NEBL: variants seen among roughly 807,000 people sequenced by gnomAD.
NEBL encodes nebulette.
NEBL carries 122 observed loss-of-function variants against 140.2 expected under a neutral mutation model. The ratio of observed to expected loss-of-function variants is 0.87; its 90% CI spans 0.75 to 1.01. NEBL has a LOEUF of 1.01. Among genes scored for constraint, NEBL ranks in the 50% least tolerant of loss-of-function variants. NEBL has a pLI of 0.00. For synonymous variants in NEBL, 436 were observed against 398.9 expected (o/e 1.09, Z -1.11); for missense variants, 1,365 against 1,231.3 (o/e 1.11, Z -1.62).
At chr10:21,145,408 G>A (rs1462629367) in intron 2 of NEBL, among the ~76,000 whole-genome samples, 1 of 152,126 alleles carries the variant, frequency 6.6e-6, no homozygotes, top group Non-Finnish European at 1.5e-5. Flanking sequence ...CTATTTTATA[G>A]GATATCAAAA....
intron 3 of NEBL, among the ~76,000 whole-genome samples, chr10:21,205,662 A>G (rs1841814074): frequency 6.6e-6 from 1 of 152,160 alleles, no homozygotes; most frequent in East Asian, 1.9e-4. Context: ...TTTGGCACCA[A>G]CCTATTAATC....
Position 20,815,692 on chromosome 10 carries a change from C to G in NEBL, c.2174G>C (p.Arg725Thr), listed in dbSNP as rs772956028. The G allele has an allele frequency of 6.8e-6, 11 of 1,610,712 alleles. No individual in the cohort carries two copies. Among genetic ancestry groups the G allele is most frequent in the Non-Finnish European group, 8.5e-6 (10 of 1,177,192 alleles). ...AGGAGTTACACTTAAAGTGGTAGCT[C>G]TTCCCAGCTGACCTCTGTAATAAAC... ...SNVYYRGQLG[R>T]ATTLSVTPEM... is the part of the protein sequence containing the mutation. Residue 725 changes from arginine to threonine, a missense_variant, in exon 22 of 28, where the codon AGA (arginine) becomes ACA (threonine). This residue lies in a region of NEBL where 1,323 missense variants were observed against 1,154.8 expected (regional missense o/e 1.15). Transcript: ENST00000377122.
intron 3 of NEBL, among the ~76,000 whole-genome samples, chr10:21,012,416 G>A (rs374092177): frequency 2.5e-4 from 38 of 152,290 alleles, no homozygotes; most frequent in African/African-American, 7.9e-4. Context: ...CTGGAGTGCA[G>A]TGGCATGATC....
chr10:21,127,223 A>G (rs1206813498), intron 2 of NEBL, among the ~76,000 whole-genome samples: 1 of 152,106 alleles, frequency 6.6e-6, no homozygotes, highest in African/African-American at 2.4e-5. Flanking sequence ...GAAAATAATG[A>G]CAAATGGATC....
Position 20,825,414 on chromosome 10 carries a change from T to C in NEBL, c.1869+1033A>G, listed in dbSNP as rs1464026888. On this transcript the variant is annotated intron_variant, in intron 18 of 27. Coordinates refer to ENST00000377122, the MANE Select transcript of NEBL (RefSeq NM_006393.3). Reference sequence around the variant, plus strand: ...GCTTATGCCTGTAATCCCAGCACTTTGGGAGGCTGAAGCGGGAGGATCACT... The same window carrying C: ...GCTTATGCCTGTAATCCCAGCACTTCGGGAGGCTGAAGCGGGAGGATCACT... Among the ~76,000 whole-genome samples, 4 of 152,074 alleles carry C rather than the reference T, an allele frequency of 2.6e-5. No individual in the cohort carries two copies. In the South Asian group the frequency reaches 8.3e-4, roughly 32 times the overall value.
intron 3 of NEBL, among the ~76,000 whole-genome samples, chr10:20,979,685 AAC>A (rs886561119): frequency 4.4e-4 from 67 of 152,154 alleles, no homozygotes; most frequent in Non-Finnish European, 4.3e-4. Flanking sequence ...AACATAATAT[AAC>A]ACAGTTTTTT....
In NEBL at chr10:21,130,951, C is replaced by A. The variant is rs144206569; in HGVS notation, c.164+41432G>T. Among the ~76,000 whole-genome samples, 258 of 151,572 alleles carry A rather than the reference C, an allele frequency of 1.7e-3. 1 individual carries two copies. The highest frequency in any genetic ancestry group is 5.9e-3 in the African/African-American group (246 of 41,386). On this transcript the variant is annotated intron_variant, in intron 2 of 6. Transcript: ENST00000417816. ...ATACAGAAAAAAATGTCAATGAAAC[C>A]AAAAACTGGTCCTTTGAAAAGATAA...
intron 2 of NEBL, among the ~76,000 whole-genome samples, chr10:21,045,776 G>C (rs1204846697): frequency 6.6e-6 from 1 of 152,182 alleles, no homozygotes; most frequent in Non-Finnish European, 1.5e-5. Flanking sequence ...ATGTAAATTA[G>C]TATAGCCATT....
At chr10:21,020,779 G>T (rs141982885) in intron 2 of NEBL, among the ~76,000 whole-genome samples, 1 of 152,026 alleles carries the variant, frequency 6.6e-6, no homozygotes, top group African/African-American at 2.4e-5. Flanking sequence ...TCCCTCTAGT[G>T]GTTCCTTCCC....
At position 21,148,237 on chromosome 10, in the gene NEBL, C is replaced by A. The variant is rs567375067; in HGVS notation, c.164+24146G>T. On this transcript the variant is annotated intron_variant, in intron 2 of 6. Coordinates refer to the NEBL transcript ENST00000417816. Reference sequence around the variant, plus strand: ...CTTCTCAAATGATTTATCCAGTATACTCCTGTGATATTATGAAACATGTAC... The same window carrying A: ...CTTCTCAAATGATTTATCCAGTATAATCCTGTGATATTATGAAACATGTAC... Among the ~76,000 whole-genome samples, 3 of 152,340 alleles carry A rather than the reference C, an allele frequency of 2.0e-5. No individual in the cohort carries two copies. The South Asian group carries it at 6.2e-4, about 32-fold the overall frequency.
chr10:21,224,123 C>T (rs1264341469), intron 3 of NEBL, among the ~76,000 whole-genome samples: 5 of 152,098 alleles, frequency 3.3e-5, no homozygotes, highest in Non-Finnish European at 7.4e-5. Flanking sequence ...CCAATGTTTT[C>T]GTTTAGTAGT....
intron 18 of NEBL, among the ~76,000 whole-genome samples, chr10:20,824,633 T>A (rs1839661794): frequency 6.6e-6 from 1 of 152,050 alleles, no homozygotes. Flanking sequence ...TAAGCAGGAG[T>A]TTATGGCCCA....
At chr10:20,997,075 A>G (rs747041348) in intron 3 of NEBL, among the ~76,000 whole-genome samples, 6 of 152,234 alleles carry the variant, frequency 3.9e-5, no homozygotes, top group African/African-American at 9.6e-5. Context: ...TAATTTTAGA[A>G]AGCTTTGGTC....
At chr10:21,204,497 G>A (rs1841795388) in intron 3 of NEBL, among the ~76,000 whole-genome samples, 1 of 151,932 alleles carries the variant, frequency 6.6e-6, no homozygotes. Context: ...TAAAGATACA[G>A]CAAGAAGGCA....
intron 3 of NEBL, among the ~76,000 whole-genome samples, chr10:20,987,322 G>T (rs193014713): frequency 6.6e-6 from 1 of 151,746 alleles, no homozygotes; most frequent in African/African-American, 2.4e-5. Context: ...CCCCATTCCT[G>T]CCCATTGCTG....
chr10:20,989,061 A>G (rs1179575108), intron 3 of NEBL, among the ~76,000 whole-genome samples: 1 of 152,256 alleles, frequency 6.6e-6, no homozygotes, highest in Non-Finnish European at 1.5e-5. Flanking sequence ...TGTCAAAACC[A>G]TGATTACTTT....
intron 3 of NEBL, among the ~76,000 whole-genome samples, chr10:21,004,633 T>C (rs1372056744): frequency 6.6e-6 from 1 of 151,738 alleles, no homozygotes; most frequent in Non-Finnish European, 1.5e-5. Flanking sequence ...GGCAGGAGAA[T>C]GGTGTGAACC....
chr10:20,983,656 T>C (rs1837140970), intron 3 of NEBL, among the ~76,000 whole-genome samples: 1 of 152,224 alleles, frequency 6.6e-6, no homozygotes, highest in Non-Finnish European at 1.5e-5. Flanking sequence ...ATTAAAGTAA[T>C]TGGTGTGTCC....
At chr10:20,909,086 T>C (rs1268153149) in intron 4 of NEBL, among the ~76,000 whole-genome samples, 6 of 152,206 alleles carry the variant, frequency 3.9e-5, no homozygotes, top group African/African-American at 1.4e-4. Context: ...ATACAATGCA[T>C]AATAATCACA....
Sources: gnomAD v4.1 joint callset for allele counts (sites outside exome capture counted in the v4.1 genomes callset) on GRCh38, gnomAD v4.1.1 for gene constraint, gnomAD v4.1.1 regional missense constraint, MANE v1.5 for transcripts, NCBI Gene and HGNC (gene_info 2026-07-23, HGNC 2026-07-21) for gene names.